TRDN: variants seen among roughly 807,000 people sequenced by gnomAD.
TRDN encodes triadin in skeletal muscle.
TRDN carries 161 observed loss-of-function variants against 149.7 expected under a neutral mutation model. That is an observed-to-expected ratio of 1.08 (90% CI 0.95 to 1.23). The LOEUF is 1.23. TRDN is among the 50% of genes most tolerant of loss of function. The pLI is 0.00. For missense variants in TRDN, 896 were observed against 823.5 expected (o/e 1.09, Z -1.08); for synonymous variants, 294 against 250.5 (o/e 1.17, Z -1.64).
intron 12 of TRDN, among the ~76,000 whole-genome samples, chr6:123,420,783 C>G (rs1773863740): frequency 6.6e-6 from 1 of 152,050 alleles, no homozygotes. Flanking sequence ...AATGGACTCA[C>G]TTTTTTTTCT....
intron 1 of TRDN, among the ~76,000 whole-genome samples, chr6:123,590,314 G>T (rs1439967651): frequency 1.3e-5 from 2 of 152,104 alleles, no homozygotes; most frequent in Non-Finnish European, 2.9e-5. Flanking sequence ...CTAGGTTGTT[G>T]GTTCCTTATG....
At chr6:123,504,758 T>A (rs1778844573) in intron 7 of TRDN, among the ~76,000 whole-genome samples, 1 of 152,224 alleles carries the variant, frequency 6.6e-6, no homozygotes, top group Non-Finnish European at 1.5e-5. Flanking sequence ...CATTCAAGCA[T>A]CTTTTAAAAA....
intron 12 of TRDN, among the ~76,000 whole-genome samples, chr6:123,431,314 T>A (rs952157551): frequency 1.3e-5 from 2 of 152,164 alleles, no homozygotes; most frequent in Admixed American, 1.3e-4. Context: ...TTTTTACTTA[T>A]CTGAATGAAT....
intron 1 of TRDN, among the ~76,000 whole-genome samples, chr6:123,635,507 C>T (rs1469679633): frequency 6.6e-6 from 1 of 151,758 alleles, no homozygotes; most frequent in Non-Finnish European, 1.5e-5. Context: ...ACACACATAA[C>T]GTTCTGAGCA....
At chr6:123,585,128 T>C (rs1783389292) in intron 1 of TRDN, among the ~76,000 whole-genome samples, 1 of 140,080 alleles carries the variant, frequency 7.1e-6, no homozygotes, top group South Asian at 2.4e-4. Context: ...AGGTATCTTA[T>C]ACTTGTGGGT....
At chr6:123,239,788 A>G (rs1775919751) in intron 38 of TRDN, among the ~76,000 whole-genome samples, 1 of 152,076 alleles carries the variant, frequency 6.6e-6, no homozygotes, top group South Asian at 2.1e-4. Flanking sequence ...ATACATATGT[A>G]AAAGTAGAAA....
At chr6:123,546,395 G>A (rs1253741445) in intron 4 of TRDN, among the ~76,000 whole-genome samples, 2 of 152,036 alleles carry the variant, frequency 1.3e-5, no homozygotes, top group African/African-American at 4.8e-5. Flanking sequence ...ATAGTGTGGG[G>A]TAGTCATCAT....
intron 1 of TRDN, among the ~76,000 whole-genome samples, chr6:123,599,105 T>C (rs1222416242): frequency 6.6e-6 from 1 of 152,082 alleles, no homozygotes; most frequent in Non-Finnish European, 1.5e-5. Context: ...CTGTTAACTC[T>C]TCCCTTTAAT....
At chr6:123,425,843 C>T (rs1774097757) in intron 12 of TRDN, among the ~76,000 whole-genome samples, 1 of 151,942 alleles carries the variant, frequency 6.6e-6, no homozygotes. Flanking sequence ...GATGTGCTGT[C>T]AATAACAGGA....
intron 12 of TRDN, among the ~76,000 whole-genome samples, chr6:123,394,498 T>C (rs1377160388): frequency 6.6e-6 from 1 of 152,134 alleles, no homozygotes; most frequent in African/African-American, 2.4e-5. Flanking sequence ...TTGTTTTAGA[T>C]ATTCACTTTC....
At chr6:123,555,236 C>T (rs1401834236) in intron 2 of TRDN, among the ~76,000 whole-genome samples, 1 of 152,128 alleles carries the variant, frequency 6.6e-6, no homozygotes, top group African/African-American at 2.4e-5. Flanking sequence ...GATGTTAGAA[C>T]TGCCGTTTTT....
intron 9 of TRDN, among the ~76,000 whole-genome samples, chr6:123,496,039 A>G (rs1371412516): frequency 6.8e-6 from 1 of 147,380 alleles, no homozygotes; most frequent in Non-Finnish European, 1.5e-5. Context: ...TTATTAATAT[A>G]TTATTAATAA....
At chr6:123,321,286 G>A (rs971319289) in intron 23 of TRDN, among the ~76,000 whole-genome samples, 14 of 152,124 alleles carry the variant, frequency 9.2e-5, no homozygotes, top group African/African-American at 3.1e-4. Context: ...CAAAGCAAAC[G>A]GTGGAGGTCA....
intron 20 of TRDN, among the ~76,000 whole-genome samples, chr6:123,356,152 T>C (rs544860143): frequency 9.9e-5 from 15 of 151,864 alleles, no homozygotes; most frequent in African/African-American, 3.1e-4. Flanking sequence ...AAACCCACTA[T>C]GGTGTGTGAT....
At chr6:123,446,902 ATTC>A (rs1170474779) in intron 10 of TRDN, among the ~76,000 whole-genome samples, 2 of 146,838 alleles carry the variant, frequency 1.4e-5, no homozygotes, top group African/African-American at 5.2e-5. Flanking sequence ...CAGAACAAAT[ATTC>A]TTCTTCTATT....
chr6:123,408,164 C>T (rs767879311), intron 12 of TRDN, among the ~76,000 whole-genome samples: 33 of 152,096 alleles, frequency 2.2e-4, no homozygotes, highest in Non-Finnish European at 2.1e-4. Flanking sequence ...TATAGGAGGT[C>T]CTGGCAAATA....
Position 123,348,232 on chromosome 6 carries a change from A to G in TRDN, c.1369+4307T>C, listed in dbSNP as rs992758954. Among the ~76,000 whole-genome samples the G allele has an allele frequency of 2.6e-5, 4 of 152,080 alleles. No individual in the cohort carries two copies. The East Asian group carries it at 7.7e-4, about 29-fold the overall frequency. On this transcript the variant is annotated intron_variant, in intron 21 of 40. Transcript: ENST00000334268. ...CTAGCTTGTAATATATCATTGGTCT[A>G]TAAAAATTGGGACAATAATAGTCAC...
intron 21 of TRDN, among the ~76,000 whole-genome samples, chr6:123,344,740 T>C (rs376207099): frequency 4.3e-4 from 66 of 152,158 alleles, no homozygotes; most frequent in African/African-American, 1.6e-3. Context: ...ATATAAACAT[T>C]TGTGTGCAGG....
chr6:123,382,344 ACT>A, intron 14 of TRDN, among the ~76,000 whole-genome samples, 197 bp from the exon 15 acceptor site: 1 of 151,406 alleles, frequency 6.6e-6, no homozygotes, highest in Non-Finnish European at 1.5e-5. Context: ...GGAGTGAGAA[ACT>A]CTTTATAAAA....
Sources: gnomAD v4.1 joint callset for allele counts (sites outside exome capture counted in the v4.1 genomes callset) on GRCh38, gnomAD v4.1.1 for gene constraint, MANE v1.5 for transcripts, NCBI Gene and HGNC (gene_info 2026-07-23, HGNC 2026-07-21) for gene names.